The following JAG2 variants were observed in gnomAD, a reference collection of about 807,000 sequenced individuals.
JAG2 encodes protein jagged-2.
JAG2 carries 46 observed loss-of-function variants against 141.7 expected under a neutral mutation model. The ratio of observed to expected loss-of-function variants is 0.32; its 90% CI spans 0.26 to 0.42. The LOEUF is 0.42. Among genes scored for constraint, JAG2 ranks in the 10% least tolerant of loss-of-function variants. The probability of loss-of-function intolerance (pLI) is 1.00; values close to 1 mark genes in which losing one functional copy is unlikely to be tolerated. For missense variants in JAG2, 1,500 were observed against 1,817.5 expected, an observed-to-expected ratio of 0.83 and a Z score of 3.18; for synonymous variants, 862 against 763.5, an observed-to-expected ratio of 1.13 and a Z score of -2.13.
Position 105,155,905 on chromosome 14 carries a change from A to G in JAG2, c.560T>C (p.Val187Ala). The G allele has an allele frequency of 6.2e-7, 1 of 1,612,132 alleles. No individual in the cohort carries two copies. The highest frequency in any genetic ancestry group is 8.5e-7 in the Non-Finnish European group (1 of 1,179,762). ...GCGGATCTGCAGCTCCAGGTGCGCC[A>G]CGTGGCCGCTGAAGTGCAGGCTCTT... is the stretch of plus-strand genomic sequence containing the variant. ...RWKSLHFSGH[V>A]AHLELQIRVR... The change falls in exon 4 of 26, where the codon GTG becomes GCG. Residue 187 changes from valine (V) to alanine (A), a missense_variant. Val to Ala is a moderately conservative substitution (Grantham distance 64). Coordinates refer to ENST00000331782, the MANE Select transcript of JAG2 (RefSeq NM_002226.5).
chr14:105,147,332 G>C lies in JAG2; in HGVS notation c.2473C>G (p.Arg825Gly). ...GGGCTGTCTGGCCACTCACTGATGC[G>C]GCAGTCAGGCCCCGCGAAGCCAGGT... ...CAPGFAGPDC[R>G]INIDECQSSP... The change falls in exon 20 of 26, where the codon CGC becomes GGC. Residue 825 changes from arginine (R) to glycine (G), a missense_variant. Physicochemically the swap from Arg to Gly is moderately radical, Grantham distance 125. Coordinates refer to ENST00000331782, the MANE Select transcript of JAG2 (RefSeq NM_002226.5). 1 of 1,556,492 alleles carries C rather than the reference G, an allele frequency of 6.4e-7. No individual in the cohort carries two copies. Among genetic ancestry groups the C allele is most frequent in the Non-Finnish European group, 8.7e-7 (1 of 1,150,342 alleles).
At position 105,151,679 on chromosome 14, in the gene JAG2, G is replaced by T. The variant is rs762480596; in HGVS notation, c.1100C>A (p.Ser367Tyr). ...ANGGSCHEVPSGFECHCPSGW... is the reference protein window; with the variant it reads ...ANGGSCHEVPYGFECHCPSGW... ...CGATGGGCAGTGGCATTCGAAGCCG[G>T]ACGGCACCTCATGGCAAGAGCCCCC... Residue 367 changes from serine (S) to tyrosine (Y), a missense_variant, in exon 8 of 26, where the codon TCC becomes TAC. By Grantham distance (144) the Ser-to-Tyr change is moderately radical. Coordinates refer to ENST00000331782, the MANE Select transcript of JAG2 (RefSeq NM_002226.5). 1.6e-5 allele frequency: 26 copies of T among 1,611,600 alleles called. No individual in the cohort carries two copies. The highest frequency in any genetic ancestry group is 2.2e-5 in the Non-Finnish European group (26 of 1,179,532).
In JAG2 at chr14:105,155,763, G is replaced by A. The variant is rs1888562874; in HGVS notation, c.702C>T (p.Gly234=). The A allele has an allele frequency of 1.1e-5, 18 of 1,612,946 alleles. No individual in the cohort carries two copies. The highest frequency in any genetic ancestry group is 2.2e-5 in the East Asian group (1 of 44,882). The part of the protein sequence containing the change: ...DQYGNKACMD[G]WMGKECKEAV... ...CTTCCTTGCACTCCTTGCCCATCCA[G>A]CCGTCCATGCAGGCCTTGTTGCCGT... The change falls in exon 4 of 26, where the codon GGC becomes GGT. Residue 234 remains glycine, a synonymous_variant. Transcript: ENST00000331782.
chr14:105,151,136 C>T (rs749812293), intron 9 of JAG2, 32 bp from the exon 10 acceptor site: 2 of 1,580,306 alleles, frequency 1.3e-6, no homozygotes, highest in Admixed American at 1.8e-5. Context: ...AGCCGTGGGG[C>T]TCGGGCCCTG....
intron 2 of JAG2, among the ~76,000 whole-genome samples, chr14:105,166,607 T>C (rs587624698): frequency 1.3e-4 from 20 of 151,976 alleles, no homozygotes; most frequent in African/African-American, 4.8e-4. Flanking sequence ...CAGGAAGCGG[T>C]GAGGATGGGG....
chr14:105,145,892 G>A lies in JAG2; in HGVS notation c.2791C>T (p.Leu931=). ...SAQCPLGQRC[L]EKAPGQCLRP... is the part of the protein sequence containing the mutation. The stretch of plus-strand genomic sequence containing the variant: ...AGACACTGGCCTGGGGCCTTCTCCA[G>A]GCACCTTTGCCCCAGTGGGCACTGG... The change falls in exon 23 of 26, where the codon CTG becomes TTG. Residue 931 remains leucine (L), a synonymous_variant. Transcript: ENST00000331782. 6.4e-7 allele frequency: 1 copy of A among 1,563,676 alleles called. No homozygotes were observed. The highest frequency in any genetic ancestry group is 8.7e-7 in the Non-Finnish European group (1 of 1,155,064).
At chr14:105,157,404 C>A (rs1888613387) in intron 3 of JAG2, among the ~76,000 whole-genome samples, 1 of 152,054 alleles carries the variant, frequency 6.6e-6, no homozygotes, top group Non-Finnish European at 1.5e-5. Flanking sequence ...GCAGAGGGGG[C>A]CACAAAGCCA....
intron 18 of JAG2, 23 bp from the exon 19 acceptor site, chr14:105,147,550 A>AG (rs1321129421): frequency 6.2e-7 from 1 of 1,609,120 alleles, no homozygotes; most frequent in Non-Finnish European, 8.5e-7. Flanking sequence ...AAGAGAACGC[A>AG]GGGGATCAGT....
At chr14:105,147,992 A>C (rs1888282400) in intron 17 of JAG2, 104 bp from the exon 18 acceptor site, 4 of 1,106,286 alleles carry the variant, frequency 3.6e-6, no homozygotes, top group South Asian at 1.3e-5. Context: ...ACCCGGGGGC[A>C]GGGGGCAGGG....
rs767164769 is a variant in JAG2 at position 105,143,118 on chromosome 14, G to A, written c.3294C>T (p.Cys1098=). The A allele has an allele frequency of 3.8e-6, 6 of 1,598,622 alleles. No individual in the cohort carries two copies. Among genetic ancestry groups the A allele is most frequent in the East Asian group, 2.2e-5 (1 of 44,862 alleles). Residue 1098 remains cysteine, a synonymous_variant, in exon 26 of 26, where the codon TGC becomes TGT. Transcript: ENST00000331782. ...CGAFSVLWLA[C]VVLCVWWTRK... is the part of the protein sequence containing the mutation. ...GTGTCCACCACACGCACAGGACCAC[G>A]CACGCCAGCCACAGCACGCTGAAGG...
chr14:105,143,049 C>A lies in JAG2; in HGVS notation c.3363G>T (p.Glu1121Asp). 1.2e-6 allele frequency: 2 copies of A among 1,603,494 alleles called. No individual in the cohort carries two copies. The highest frequency in any genetic ancestry group is 1.7e-6 in the Non-Finnish European group (2 of 1,179,666). Reference protein sequence around the residue: ...KERERSRLPREESANNQWAPL... With the variant: ...KERERSRLPRDESANNQWAPL... Reference sequence around the variant, plus strand: ...GGGCCCACTGGTTGTTGGCGCTCTCCTCCCGCGGCAGCCGGCTCCTCTCCC... The same window carrying A: ...GGGCCCACTGGTTGTTGGCGCTCTCATCCCGCGGCAGCCGGCTCCTCTCCC... The change falls in exon 26 of 26, where the codon GAG becomes GAT. Residue 1121 changes from glutamate to aspartate, a missense_variant. Glu to Asp is a conservative substitution (Grantham distance 45). Around this residue, in one of 3 missense-constraint regions of JAG2, gnomAD observed 425 missense variants for 441.0 expected, o/e 0.96. Coordinates refer to ENST00000331782, the MANE Select transcript of JAG2 (RefSeq NM_002226.5).
At position 105,151,267 on chromosome 14, in the gene JAG2, C is replaced by G; in HGVS notation, c.1267+16G>C. On this transcript the variant is annotated intron_variant, in intron 9 of 25. Coordinates refer to ENST00000331782, the MANE Select transcript of JAG2 (RefSeq NM_002226.5). ...TGCGCGGCCCACGTTCCCATGCACT[C>G]GCTCGGAGCCCTTACCCAGCTGGCA... 1 of 1,608,012 alleles carries G rather than the reference C, an allele frequency of 6.2e-7. No individual in the cohort carries two copies. The highest frequency in any genetic ancestry group is 8.5e-7 in the Non-Finnish European group (1 of 1,176,532).
At chr14:105,147,223 G>A (rs1053797349) in intron 20 of JAG2, 103 bp downstream of exon 20, 6 of 875,122 alleles carry the variant, frequency 6.9e-6, no homozygotes, top group Non-Finnish European at 1.1e-5. Context: ...AAGTAGTTGT[G>A]GCCACACTGC....
chr14:105,147,612 G>T, intron 18 of JAG2, 85 bp from the exon 19 acceptor site: 1 of 1,402,028 alleles, frequency 7.1e-7, no homozygotes, highest in Non-Finnish European at 1.0e-6. Context: ...GGCGTGATCA[G>T]GCTGTGGGGC....
intron 24 of JAG2, among the ~76,000 whole-genome samples, chr14:105,144,631 C>T (rs1241000404): frequency 6.6e-6 from 1 of 152,222 alleles, no homozygotes; most frequent in Non-Finnish European, 1.5e-5. Context: ...ACGGACTCTC[C>T]TGCTGCCTGT....
At chr14:105,157,489 A>C (rs1171611606) in intron 3 of JAG2, among the ~76,000 whole-genome samples, 1 of 152,240 alleles carries the variant, frequency 6.6e-6, no homozygotes, top group Non-Finnish European at 1.5e-5. Context: ...AGAGGAGAAC[A>C]ACATAGGCAA....
chr14:105,162,586 C>T (rs1888781785), intron 2 of JAG2, among the ~76,000 whole-genome samples: 1 of 151,076 alleles, frequency 6.6e-6, no homozygotes, highest in Admixed American at 6.6e-5. Context: ...AGTTCCAGGG[C>T]ACCCCAAAGC....
chr14:105,168,008 T>C lies in JAG2; in HGVS notation c.166A>G (p.Thr56Ala), dbSNP rs1449421231. Residue 56 changes from threonine to alanine, a missense_variant, in exon 2 of 26, where the codon ACA becomes GCA. Thr to Ala is a moderately conservative substitution (Grantham distance 58). Coordinates refer to ENST00000331782, the MANE Select transcript of JAG2 (RefSeq NM_002226.5). ...SGACCDGDGR[T>A]TRAGGCGHDE... is the part of the protein sequence containing the mutation. ...TGGCCGCAGCCCCCCGCGCGCGTTG[T>C]CCGGCCGTCGCCGTCACAGCAGGCG... 5 of 1,599,624 alleles carry C rather than the reference T, an allele frequency of 3.1e-6. No individual in the cohort carries two copies. Among genetic ancestry groups the C allele is most frequent in the Non-Finnish European group, 4.2e-6 (5 of 1,177,144 alleles).
rs1343417185 is a variant in JAG2, at chr14:105,167,552, C to G, written c.417+205G>C. Among the ~76,000 whole-genome samples, 1 of 147,320 alleles carries G rather than the reference C, an allele frequency of 6.8e-6. No individual in the cohort carries two copies. Among genetic ancestry groups the G allele is most frequent in the Non-Finnish European group, 1.5e-5 (1 of 66,188 alleles). ...CCCGCCCCCGCCGCGACCCCGCTCCCGGTGGCCCCGGGGCCCCGGCGCGCC... is the reference window on the plus strand; with the variant it reads ...CCCGCCCCCGCCGCGACCCCGCTCCGGGTGGCCCCGGGGCCCCGGCGCGCC... On this transcript the variant is annotated intron_variant, in intron 2 of 25. Transcript: ENST00000331782. This position sits in a 1 kb window ranked among gnomAD's most constrained non-coding sequence, Gnocchi z 4.8.
Sources: allele counts gnomAD v4.1 joint callset (sites outside exome capture counted in the v4.1 genomes callset), GRCh38; gene constraint gnomAD v4.1.1; regional missense constraint gnomAD v4.1.1; non-coding constraint Gnocchi (gnomAD v3.1); transcripts MANE v1.5; gene names NCBI Gene and HGNC (gene_info 2026-07-23, HGNC 2026-07-21).